NWD2: variants seen among roughly 807,000 people sequenced by gnomAD.
NWD2 encodes the protein NACHT and WD repeat domain-containing protein 2.
In NWD2, 37 loss-of-function variants were observed where a neutral mutation model predicts 132.7. That is an observed-to-expected ratio of 0.28 (90% confidence interval 0.21 to 0.37). The LOEUF is 0.37. Among genes scored for constraint, NWD2 ranks in the 10% least tolerant of loss-of-function variants. The probability of loss-of-function intolerance (pLI) is 1.00; values close to 1 mark genes in which losing one functional copy is unlikely to be tolerated. For missense variants in NWD2, 1,592 were observed against 2,122.4 expected, an observed-to-expected ratio of 0.75 and a Z score of 4.91; for synonymous variants, 705 against 803.0, an observed-to-expected ratio of 0.88 and a Z score of 2.06.
chr4:37,329,505 C>T (rs1019109180), intron 2 of NWD2, among the ~76,000 whole-genome samples: 2 of 151,928 alleles, frequency 1.3e-5, no homozygotes, highest in Non-Finnish European at 2.9e-5. Context: ...GGGAGGAATC[C>T]AGGCATAGGG....
rs562083449 is a variant in NWD2 at position 37,313,948 on chromosome 4, G to A, written c.152-11988G>A. ...CCTGACCTCATTATCTGCACACGTC[G>A]GCCTCCCAAAGTACTGAGATTACAG... On this transcript the variant is annotated intron_variant, in intron 1 of 6. Coordinates refer to ENST00000309447, the MANE Select transcript of NWD2 (RefSeq NM_001144990.2). 3.6e-4 allele frequency among the ~76,000 whole-genome samples: 54 copies of A among 149,958 alleles called. 1 individual carries two copies. The highest frequency in any genetic ancestry group is 2.4e-4 in the Non-Finnish European group (16 of 68,018).
chr4:37,319,124 C>A (rs1719019769), intron 1 of NWD2, among the ~76,000 whole-genome samples: 1 of 152,176 alleles, frequency 6.6e-6, no homozygotes, highest in African/African-American at 2.4e-5. Flanking sequence ...CTTTTCACTG[C>A]AGCTTTACCA....
intron 3 of NWD2, among the ~76,000 whole-genome samples, chr4:37,419,590 A>G (rs975828701): frequency 6.6e-6 from 1 of 152,234 alleles, no homozygotes; most frequent in Non-Finnish European, 1.5e-5. Flanking sequence ...GGCAAAGGAT[A>G]TAAACAGACA....
At chr4:37,260,583 A>G (rs933266398) in intron 1 of NWD2, among the ~76,000 whole-genome samples, 6 of 152,216 alleles carry the variant, frequency 3.9e-5, no homozygotes. Flanking sequence ...CAGTGTATTC[A>G]TACATGTAAA....
At chr4:37,296,852 A>C (rs1263161865) in intron 1 of NWD2, among the ~76,000 whole-genome samples, 4 of 152,180 alleles carry the variant, frequency 2.6e-5, no homozygotes, top group Non-Finnish European at 5.9e-5. Context: ...ATAAAAAATT[A>C]ACAAAGAAAA....
chr4:37,293,581 T>A (rs1443026850), intron 1 of NWD2, among the ~76,000 whole-genome samples: 1 of 152,246 alleles, frequency 6.6e-6, no homozygotes, highest in Non-Finnish European at 1.5e-5. Flanking sequence ...CAAAATAGTT[T>A]AATTAACTTT....
rs1358357861 is a variant in NWD2, at chr4:37,443,654, C to G, written c.1666C>G (p.Leu556Val). Residue 556 changes from leucine (L) to valine (V), a missense_variant, in exon 7 of 7, where the codon CTA (leucine) becomes GTA (valine). This residue lies in a region of NWD2 where 1,071 missense variants were observed against 1,398.0 expected (regional missense o/e 0.77). Coordinates refer to ENST00000309447, the MANE Select transcript of NWD2 (RefSeq NM_001144990.2). This position sits in a 1 kb window ranked among gnomAD's most constrained non-coding sequence, Gnocchi z 4.1. ...LPNKHGILQK[L>V]RCLIHEEDNY... ...CAACAAACATGGGATCTTGCAGAAA[C>G]TAAGGTGCCTTATCCATGAAGAAGA... The G allele has an allele frequency of 1.3e-6, 2 of 1,552,128 alleles. No homozygotes were observed. Among genetic ancestry groups the G allele is most frequent in the South Asian group, 2.4e-5 (2 of 84,050 alleles).
At chr4:37,431,472 G>T (rs1166540332) in intron 4 of NWD2, among the ~76,000 whole-genome samples, 1 of 152,124 alleles carries the variant, frequency 6.6e-6, no homozygotes, top group Non-Finnish European at 1.5e-5. Context: ...TAAAAACGTT[G>T]AGTTCATGGT....
intron 1 of NWD2, 24 bp downstream of exon 1, chr4:37,245,242 C>G (rs1037336558): frequency 1.3e-6 from 2 of 1,517,928 alleles, no homozygotes; most frequent in Non-Finnish European, 1.8e-6. Flanking sequence ...TCGGGTTTGC[C>G]CGTCCGTCCT....
At chr4:37,351,983 C>T (rs754908629) in intron 2 of NWD2, among the ~76,000 whole-genome samples, 21 of 152,056 alleles carry the variant, frequency 1.4e-4, no homozygotes, top group Admixed American at 3.3e-4. Context: ...TATAGTTGTG[C>T]GGTTTTGAGT....
At chr4:37,341,408 A>G (rs987294089) in intron 2 of NWD2, among the ~76,000 whole-genome samples, 2 of 152,248 alleles carry the variant, frequency 1.3e-5, no homozygotes, top group African/African-American at 4.8e-5. Flanking sequence ...ATATTTGCAT[A>G]GAGATGTAAA....
rs182495919 is a variant in NWD2, at chr4:37,413,191, G to A, written c.358-17381G>A. Among the ~76,000 whole-genome samples the A allele has an allele frequency of 1.2e-4, 19 of 152,222 alleles. No homozygotes were observed. The East Asian group carries it at 3.1e-3, about 25-fold the overall frequency. ...TTATCAGAGTGAACAGGCAGCCTAC[G>A]GAATGGGAGAAAATTTTTGCAATCT... On this transcript the variant is annotated intron_variant, in intron 3 of 6. Coordinates refer to ENST00000309447, the MANE Select transcript of NWD2 (RefSeq NM_001144990.2).
intron 3 of NWD2, among the ~76,000 whole-genome samples, chr4:37,423,311 A>G (rs1156278345): frequency 6.6e-6 from 1 of 151,348 alleles, no homozygotes; most frequent in East Asian, 1.9e-4. Flanking sequence ...TTATTTTGCA[A>G]TTTATTATCA....
At chr4:37,305,484 A>G (rs984811189) in intron 1 of NWD2, among the ~76,000 whole-genome samples, 1 of 152,176 alleles carries the variant, frequency 6.6e-6, no homozygotes, top group Non-Finnish European at 1.5e-5. Context: ...TATAACTTCC[A>G]GTTTCAGAAA....
At chr4:37,329,143 C>T (rs1719236372) in intron 2 of NWD2, among the ~76,000 whole-genome samples, 1 of 152,154 alleles carries the variant, frequency 6.6e-6, no homozygotes, top group Non-Finnish European at 1.5e-5. Flanking sequence ...GTACCCTCCT[C>T]TTTGCTTCTC....
At chr4:37,434,787 C>T (rs73809821) in intron 5 of NWD2, among the ~76,000 whole-genome samples, 66 of 142,734 alleles carry the variant, frequency 4.6e-4, no homozygotes, top group Non-Finnish European at 4.9e-4. Context: ...TTTTTTTTTT[C>T]TTTTTTTTTT....
chr4:37,332,857 A>C (rs1719322346), intron 2 of NWD2, among the ~76,000 whole-genome samples: 1 of 152,116 alleles, frequency 6.6e-6, no homozygotes, highest in African/African-American at 2.4e-5. Flanking sequence ...CAGGGAGCCC[A>C]TTGCCCTGAA....
Position 37,307,037 on chromosome 4 carries a change from A to AG in NWD2, c.152-18899_152-18898insG, listed in dbSNP as rs1238534544. ...AGACTCCATCAAAAAAAAAAAAAAAAAGAATGTTCTATGTACTGATGAGAG... is the reference window on the plus strand; with the variant it reads ...AGACTCCATCAAAAAAAAAAAAAAAAGAGAATGTTCTATGTACTGATGAGAG... On this transcript the variant is annotated intron_variant, in intron 1 of 6. Transcript: ENST00000309447. Among the ~76,000 whole-genome samples the AG allele has an allele frequency of 5.5e-4, 83 of 151,514 alleles. 1 individual carries two copies. The highest frequency in any genetic ancestry group is 6.9e-3 in the Middle Eastern group (2 of 290).
chr4:37,398,848 A>G (rs1174807742), intron 3 of NWD2, among the ~76,000 whole-genome samples: 1 of 152,212 alleles, frequency 6.6e-6, no homozygotes, highest in Non-Finnish European at 1.5e-5. Flanking sequence ...TAAAAGAGAC[A>G]AAAATGAATG....
Sources: allele counts gnomAD v4.1 joint callset (sites outside exome capture counted in the v4.1 genomes callset), GRCh38; gene constraint gnomAD v4.1.1; regional missense constraint gnomAD v4.1.1; non-coding constraint Gnocchi (gnomAD v3.1); transcripts MANE v1.5; gene names NCBI Gene and HGNC (gene_info 2026-07-23, HGNC 2026-07-21).